JARID2: variants seen among roughly 807,000 people sequenced by gnomAD.
The protein encoded by JARID2 is protein Jumonji.
JARID2 carries 21 observed loss-of-function variants against 125.6 expected under a neutral mutation model. That is an observed-to-expected ratio of 0.17 (90% CI 0.12 to 0.24). The LOEUF is 0.24. Among genes scored for constraint, JARID2 ranks in the 10% least tolerant of loss-of-function variants. The pLI, the probability that JARID2 is intolerant of heterozygous loss-of-function variation, is 1.00. For synonymous variants in JARID2, 736 were observed against 661.6 expected (o/e 1.11, Z -1.73); for missense variants, 1,303 against 1,639.6 (o/e 0.79, Z 3.55).
At chr6:15,364,995 TG>T (rs1270046389) in intron 1 of JARID2, among the ~76,000 whole-genome samples, 1 of 152,202 alleles carries the variant, frequency 6.6e-6, no homozygotes, top group Non-Finnish European at 1.5e-5. Context: ...GGGGATTTTT[TG>T]GGGGTATATC....
intron 1 of JARID2, among the ~76,000 whole-genome samples, chr6:15,299,032 TG>T (rs1489747634): frequency 6.7e-6 from 1 of 149,640 alleles, no homozygotes; most frequent in East Asian, 2.0e-4. Context: ...GAGGATGCTT[TG>T]GTGGTGAAAT....
intron 1 of JARID2, among the ~76,000 whole-genome samples, chr6:15,309,689 A>G (rs1361160431): frequency 6.6e-6 from 1 of 152,040 alleles, no homozygotes; most frequent in Non-Finnish European, 1.5e-5. Flanking sequence ...GTGTGTATAT[A>G]TATATATGTA....
rs555769072 is a variant in JARID2, at chr6:15,465,282, G to T, written c.494-3260G>T. On this transcript the variant is annotated intron_variant, in intron 4 of 17. Coordinates refer to ENST00000341776, the MANE Select transcript of JARID2 (RefSeq NM_004973.4). ...AGCCTCGGCAATGTAGCGAGATCCC[G>T]TTCCTACAAAAAATGAAAAAATTAT... 3.3e-5 allele frequency among the ~76,000 whole-genome samples: 5 copies of T among 152,222 alleles called. No homozygotes were observed. The East Asian group carries it at 9.7e-4, about 29-fold the overall frequency.
chr6:15,423,098 C>A (rs1446094691), intron 3 of JARID2, among the ~76,000 whole-genome samples: 1 of 151,410 alleles, frequency 6.6e-6, no homozygotes, highest in Non-Finnish European at 1.5e-5. Flanking sequence ...GTCCTGGGTG[C>A]AAGTGATCCT....
chr6:15,409,085 A>T (rs1419186912), intron 2 of JARID2, among the ~76,000 whole-genome samples: 1 of 152,212 alleles, frequency 6.6e-6, no homozygotes, highest in Non-Finnish European at 1.5e-5. Flanking sequence ...GGCTTTGTTG[A>T]TGTGTACTAT....
At chr6:15,415,654 C>T (rs1766141305) in intron 3 of JARID2, among the ~76,000 whole-genome samples, 5 of 148,616 alleles carry the variant, frequency 3.4e-5, no homozygotes, top group South Asian at 2.1e-4. Flanking sequence ...CTGACCCCCC[C>T]CACCTCCCTC....
intron 3 of JARID2, among the ~76,000 whole-genome samples, chr6:15,432,673 T>C (rs568093324): frequency 2.6e-5 from 4 of 152,308 alleles, no homozygotes; most frequent in African/African-American, 9.6e-5. Context: ...TACAAAGTTA[T>C]TTACTTGGGC....
At chr6:15,422,083 C>A (rs922840250) in intron 3 of JARID2, among the ~76,000 whole-genome samples, 7 of 152,216 alleles carry the variant, frequency 4.6e-5, no homozygotes, top group African/African-American at 1.7e-4. Flanking sequence ...TCCCGAAATC[C>A]TCTCTTGGGT....
At chr6:15,344,025 A>G (rs946684368) in intron 1 of JARID2, among the ~76,000 whole-genome samples, 4 of 151,884 alleles carry the variant, frequency 2.6e-5, no homozygotes, top group African/African-American at 9.7e-5. Flanking sequence ...CCTTTCAGAC[A>G]GACAGGGCGT....
intron 1 of JARID2, among the ~76,000 whole-genome samples, chr6:15,336,107 GAATGAATGAATA>G (rs1454870031): frequency 1.3e-5 from 2 of 150,750 alleles, no homozygotes; most frequent in Admixed American, 1.3e-4. Flanking sequence ...ATGAATGAAT[GAATGAATGAATA>G]AATAAATAAA....
intron 1 of JARID2, among the ~76,000 whole-genome samples, chr6:15,348,322 C>G (rs1402931541): frequency 6.6e-6 from 1 of 152,114 alleles, no homozygotes; most frequent in Non-Finnish European, 1.5e-5. Context: ...GAACTCCTGA[C>G]CTCGTGATCA....
chr6:15,433,410 C>CTGTGTGTGTGTGTGTGTGTGTG (rs57296791), intron 3 of JARID2, among the ~76,000 whole-genome samples: 12 of 143,428 alleles, frequency 8.4e-5, no homozygotes, highest in South Asian at 2.3e-4. Context: ...CCATGTCTCT[C>CTGTGTGTGTGTGTGTGTGTGTG]TGTGTGTGTG....
intron 1 of JARID2, among the ~76,000 whole-genome samples, chr6:15,370,105 C>T (rs748381481): frequency 2.6e-5 from 4 of 152,088 alleles, no homozygotes; most frequent in Non-Finnish European, 4.4e-5. Context: ...GACTGAGCTT[C>T]GTTGAGTTTG....
At chr6:15,422,703 G>A (rs60535196) in intron 3 of JARID2, among the ~76,000 whole-genome samples, 1 of 152,150 alleles carries the variant, frequency 6.6e-6, no homozygotes, top group Non-Finnish European at 1.5e-5. Flanking sequence ...CCCACCATGG[G>A]TGTCTACACA....
Position 15,276,411 on chromosome 6 carries a change from T to C in JARID2, c.45+29827T>C, listed in dbSNP as rs188497845. 1.2e-4 allele frequency among the ~76,000 whole-genome samples: 19 copies of C among 152,386 alleles called. No homozygotes were observed. In the East Asian group the frequency reaches 3.7e-3, roughly 29 times the overall value. On this transcript the variant is annotated intron_variant, in intron 1 of 17. Transcript: ENST00000341776. ...TCCTGCCAGTGCATTTAGGGAGTTA[T>C]ACATATATAACTGTCTCATATGATT...
At chr6:15,333,486 T>A (rs1314867295) in intron 1 of JARID2, among the ~76,000 whole-genome samples, 4 of 152,212 alleles carry the variant, frequency 2.6e-5, no homozygotes, top group African/African-American at 9.6e-5. Flanking sequence ...GTCTTTCACT[T>A]AGTATTATGT....
intron 1 of JARID2, among the ~76,000 whole-genome samples, chr6:15,284,451 C>T (rs897103339): frequency 5.9e-5 from 9 of 152,000 alleles, no homozygotes; most frequent in South Asian, 2.1e-4. Flanking sequence ...CTCCAGAGTT[C>T]CCAGACTCAG....
chr6:15,413,259 C>A (rs1400613522), intron 3 of JARID2, among the ~76,000 whole-genome samples: 2 of 151,996 alleles, frequency 1.3e-5, no homozygotes, highest in African/African-American at 2.4e-5. Context: ...GTGACCCGCC[C>A]ACCTCGGCCT....
At chr6:15,403,604 A>G (rs530240262) in intron 2 of JARID2, among the ~76,000 whole-genome samples, 1 of 152,294 alleles carries the variant, frequency 6.6e-6, no homozygotes, top group East Asian at 1.9e-4. Flanking sequence ...ATAGAGTCAG[A>G]CATTTTCCTT....
Sources: allele counts gnomAD v4.1 joint callset (sites outside exome capture counted in the v4.1 genomes callset), GRCh38; gene constraint gnomAD v4.1.1; transcripts MANE v1.5; gene names NCBI Gene and HGNC (gene_info 2026-07-23, HGNC 2026-07-21).